Variants in TRPM1 observed in about 807,000 individuals in gnomAD.
The protein encoded by TRPM1 is transient receptor potential cation channel subfamily M member 1.
Under a neutral mutation model 149.4 loss-of-function variants are expected in TRPM1, and 113 were observed. That is an observed-to-expected ratio of 0.76 (90% CI 0.65 to 0.88). TRPM1 has a LOEUF of 0.88. TRPM1 is among the 40% of genes least tolerant of loss of function. The pLI is 0.00. For missense variants in TRPM1, 1,976 were observed against 2,038.7 expected (o/e 0.97, Z 0.59); for synonymous variants, 741 against 759.5 (o/e 0.98, Z 0.40).
chr15:31,002,928 C>T lies in TRPM1; in HGVS notation c.3772G>A (p.Gly1258Arg). ...TGGATCAGGTCAGACCTGTCGATTC[C>T]CGCAAGATTTTCAAGAGCATTCACC... ...RMVNALENLA[G>R]IDRSDLIQAR... is the part of the protein sequence containing the mutation. Residue 1258 changes from glycine to arginine, a missense_variant, in exon 28 of 28, where the codon GGA (glycine) becomes AGA (arginine). Gly to Arg is a moderately radical substitution (Grantham distance 125). Coordinates refer to ENST00000256552, the MANE Select transcript of TRPM1 (RefSeq NM_001252024.2). The T allele has an allele frequency of 6.2e-7, 1 of 1,603,532 alleles. No individual in the cohort carries two copies. Among genetic ancestry groups the T allele is most frequent in the Non-Finnish European group, 8.5e-7 (1 of 1,173,344 alleles).
At chr15:31,089,544 T>TG (rs774388336) in intron 1 of TRPM1, among the ~76,000 whole-genome samples, 13 of 152,126 alleles carry the variant, frequency 8.5e-5, no homozygotes, top group South Asian at 6.2e-4. Flanking sequence ...CAGCGGTGGA[T>TG]GGGGGGCCGA....
intron 16 of TRPM1, among the ~76,000 whole-genome samples, chr15:31,044,004 T>A (rs947433795): frequency 2.0e-5 from 3 of 152,120 alleles, no homozygotes; most frequent in Admixed American, 1.3e-4. Context: ...ACACCTTACT[T>A]AGCAATGAAT....
intron 4 of TRPM1, chr15:31,069,820 CA>C (rs770958745): frequency 6.7e-5 from 101 of 1,508,532 alleles, no homozygotes; most frequent in Non-Finnish European, 8.7e-5. Flanking sequence ...ATTTACGGGA[CA>C]CTAGATGTTC....
At chr15:31,065,966 G>C in intron 7 of TRPM1, 110 bp downstream of exon 7, 1 of 1,351,268 alleles carries the variant, frequency 7.4e-7, no homozygotes, top group East Asian at 2.3e-5. Context: ...GACCTAACAA[G>C]AAGCAAGGTT....
At chr15:31,122,709 T>G (rs2035896981) in intron 1 of TRPM1, among the ~76,000 whole-genome samples, 1 of 152,172 alleles carries the variant, frequency 6.6e-6, no homozygotes, top group Non-Finnish European at 1.5e-5. Context: ...ATATTTCATG[T>G]TCATAGATAG....
intron 16 of TRPM1, among the ~76,000 whole-genome samples, 174 bp downstream of exon 16, chr15:31,046,030 G>C (rs770594276): frequency 2.0e-5 from 3 of 152,110 alleles, no homozygotes; most frequent in Non-Finnish European, 4.4e-5. Context: ...AATGGATTGT[G>C]CAGCTTTTAT....
At chr15:31,132,963 CT>C (rs2141044824) in intron 1 of TRPM1, among the ~76,000 whole-genome samples, 1 of 152,314 alleles carries the variant, frequency 6.6e-6, no homozygotes, top group East Asian at 1.9e-4. Context: ...CATTAAATGT[CT>C]TTCTTTTTAA....
At chr15:31,031,727 T>C (rs1385599316) in intron 22 of TRPM1, among the ~76,000 whole-genome samples, 1 of 152,212 alleles carries the variant, frequency 6.6e-6, no homozygotes, top group Non-Finnish European at 1.5e-5. Context: ...TAAAGAGTCC[T>C]TCCTAAATGT....
At chr15:31,081,666 A>G (rs747022533) in intron 1 of TRPM1, among the ~76,000 whole-genome samples, 10 of 151,614 alleles carry the variant, frequency 6.6e-5, no homozygotes, top group Non-Finnish European at 1.3e-4. Context: ...CACCAAAGCC[A>G]CAGAGGCAGC....
At position 31,132,707 on chromosome 15, in the gene TRPM1, T is replaced by A. The variant is rs139918311; in HGVS notation, c.54+28199A>T. ...CTGTGTCCCCACCCAAATCTCATCTTAAATTGTAGCTCCCATAATCCCCAT... is the reference window on the plus strand; with the variant it reads ...CTGTGTCCCCACCCAAATCTCATCTAAAATTGTAGCTCCCATAATCCCCAT... On this transcript the variant is annotated intron_variant, in intron 1 of 26. Transcript: ENST00000542188. 2.4e-3 allele frequency among the ~76,000 whole-genome samples: 360 copies of A among 152,272 alleles called. 1 individual carries two copies. The highest frequency in any genetic ancestry group is 8.1e-3 in the African/African-American group (335 of 41,546).
intron 11 of TRPM1, among the ~76,000 whole-genome samples, chr15:31,057,628 G>C (rs2034119104): frequency 6.6e-6 from 1 of 152,162 alleles, no homozygotes; most frequent in Non-Finnish European, 1.5e-5. Context: ...CTTCATCTTG[G>C]AAAGAGTGCA....
intron 15 of TRPM1, among the ~76,000 whole-genome samples, 180 bp downstream of exon 15, chr15:31,046,931 G>A (rs575062799): frequency 8.5e-5 from 13 of 152,356 alleles, no homozygotes; most frequent in East Asian, 1.9e-4. Flanking sequence ...GGGGCGGCCC[G>A]TGCTCAGGGG....
chr15:31,070,400 T>C, intron 3 of TRPM1, 174 bp from the exon 4 acceptor site: 1 of 721,116 alleles, frequency 1.4e-6, no homozygotes, highest in Non-Finnish European at 2.5e-6. Context: ...CTTTTCCAGA[T>C]AATCAGTGCA....
intron 27 of TRPM1, among the ~76,000 whole-genome samples, chr15:31,014,080 C>T (rs2032277283): frequency 6.6e-6 from 1 of 151,648 alleles, no homozygotes; most frequent in Non-Finnish European, 1.5e-5. Flanking sequence ...TGAGTATACA[C>T]ACAGCCCTAT....
chr15:31,102,055 G>T (rs1039801161), upstream of TRPM1, among the ~76,000 whole-genome samples: 1 of 152,254 alleles, frequency 6.6e-6, no homozygotes, highest in African/African-American at 2.4e-5. Context: ...GGTTCTTTCA[G>T]AATCCCCTCA....
chr15:31,104,988 C>G (rs1253222279), upstream of TRPM1, among the ~76,000 whole-genome samples: 2 of 152,140 alleles, frequency 1.3e-5, no homozygotes, highest in Non-Finnish European at 2.9e-5. Flanking sequence ...GATTTGGTCA[C>G]TCTGAGGCAC....
intron 7 of TRPM1, among the ~76,000 whole-genome samples, chr15:31,064,203 A>G (rs1022691172): frequency 1.1e-4 from 16 of 152,356 alleles, no homozygotes; most frequent in Admixed American, 9.1e-4. Context: ...TGTAAACGTT[A>G]AGTAGCATAC....
At chr15:31,069,268 C>A in intron 4 of TRPM1, 1 of 308,892 alleles carries the variant, frequency 3.2e-6, no homozygotes, top group Non-Finnish European at 4.7e-6. Flanking sequence ...CACCCATGAA[C>A]TTGACCTCTT....
intron 25 of TRPM1, 21 bp downstream of exon 25, chr15:31,028,311 G>T (rs1249939558): frequency 6.2e-7 from 1 of 1,614,004 alleles, no homozygotes; most frequent in Non-Finnish European, 8.5e-7. Context: ...TAAGCATGTG[G>T]TCATCGGCTG....
Sources: gnomAD v4.1 joint callset for allele counts (sites outside exome capture counted in the v4.1 genomes callset) on GRCh38, gnomAD v4.1.1 for gene constraint, MANE v1.5 for transcripts, NCBI Gene and HGNC (gene_info 2026-07-23, HGNC 2026-07-21) for gene names.